FAM210A: variants seen among roughly 807,000 people sequenced by gnomAD.
FAM210A encodes the protein mitochondrial inner membrane scaffold 1, also known as family with sequence similarity 210 member A.
FAM210A carries 13 observed loss-of-function variants against 25.3 expected under a neutral mutation model. The observed-to-expected ratio is 0.51, with a 90% CI of 0.33 to 0.82. The LOEUF is 0.82. Among genes scored for constraint, FAM210A ranks in the 40% least tolerant of loss-of-function variants. FAM210A has a pLI of 0.02. For missense variants in FAM210A, 319 were observed against 323.2 expected (o/e 0.99, Z 0.10); for synonymous variants, 125 against 118.7 (o/e 1.05, Z -0.35).
intron 1 of FAM210A, among the ~76,000 whole-genome samples, chr18:13,684,831 T>TA (rs2043583308): frequency 6.6e-6 from 1 of 151,980 alleles, no homozygotes. Flanking sequence ...TAACAAATTC[T>TA]AAAAAATGAA....
intron 1 of FAM210A, among the ~76,000 whole-genome samples, chr18:13,699,160 T>C (rs2043718964): frequency 6.6e-6 from 1 of 152,234 alleles, no homozygotes; most frequent in African/African-American, 2.4e-5. Flanking sequence ...TTCAGTTTGC[T>C]GCTTAGAGAA....
intron 1 of FAM210A, among the ~76,000 whole-genome samples, chr18:13,705,807 C>G (rs1021814743): frequency 3.3e-5 from 5 of 152,186 alleles, no homozygotes; most frequent in African/African-American, 1.2e-4. Flanking sequence ...TTTAGTTTGT[C>G]AAACCCACGT....
intron 1 of FAM210A, among the ~76,000 whole-genome samples, chr18:13,699,037 T>C (rs191951040): frequency 3.3e-5 from 5 of 152,296 alleles, no homozygotes; most frequent in African/African-American, 1.2e-4. Context: ...CTCAAACTCC[T>C]GACCTCACGC....
At chr18:13,683,563 CTT>C (rs11301016) in intron 1 of FAM210A, among the ~76,000 whole-genome samples, 678 of 137,094 alleles carry the variant, frequency 4.9e-3, no homozygotes, top group Non-Finnish European at 5.7e-3. Context: ...GACTGCAAGC[CTT>C]TTTTTTTTTT....
chr18:13,705,222 C>A (rs1010996960), intron 1 of FAM210A, among the ~76,000 whole-genome samples: 2 of 152,154 alleles, frequency 1.3e-5, no homozygotes, highest in African/African-American at 4.8e-5. Context: ...TAGTCTAAGT[C>A]AAATTGCCTA....
At chr18:13,698,720 C>G (rs2043715642) in intron 1 of FAM210A, among the ~76,000 whole-genome samples, 2 of 152,202 alleles carry the variant, frequency 1.3e-5, no homozygotes, top group African/African-American at 2.4e-5. Context: ...CCTATCATAT[C>G]TTGCTGGGCA....
chr18:13,681,031 C>T (rs893889726), intron 2 of FAM210A, among the ~76,000 whole-genome samples: 5 of 152,220 alleles, frequency 3.3e-5, no homozygotes, highest in African/African-American at 1.2e-4. Flanking sequence ...ATTAGCCGGA[C>T]TTTGGCAAAA....
chr18:13,670,420 G>A (rs2043432296), intron 3 of FAM210A, among the ~76,000 whole-genome samples: 1 of 152,038 alleles, frequency 6.6e-6, no homozygotes, highest in Non-Finnish European at 1.5e-5. Context: ...AATAAAAGAG[G>A]AAATCTACCA....
At chr18:13,673,953 C>A (rs12607111) in intron 2 of FAM210A, among the ~76,000 whole-genome samples, 1 of 4,918 alleles carries the variant, frequency 2.0e-4, no homozygotes, top group Non-Finnish European at 5.4e-4. Flanking sequence ...TCCTGAGCCC[C>A]GACTTCTTTA....
intron 1 of FAM210A, among the ~76,000 whole-genome samples, chr18:13,720,118 C>A (rs1346338258): frequency 6.6e-6 from 1 of 152,092 alleles, no homozygotes; most frequent in African/African-American, 2.4e-5. Context: ...AGTAGCAAGC[C>A]CAAAAGCTGT....
At chr18:13,693,167 C>G (rs1376810321) in intron 1 of FAM210A, among the ~76,000 whole-genome samples, 5 of 152,094 alleles carry the variant, frequency 3.3e-5, no homozygotes, top group Non-Finnish European at 5.9e-5. Context: ...ATAAATTCCT[C>G]GACACATACA....
chr18:13,678,877 A>G (rs1265604126), intron 2 of FAM210A, among the ~76,000 whole-genome samples: 2 of 152,228 alleles, frequency 1.3e-5, no homozygotes, highest in African/African-American at 4.8e-5. Context: ...TGGATCTGTA[A>G]CTTTAGGAAC....
In FAM210A at chr18:13,723,653, T is replaced by C. The variant is rs976538134; in HGVS notation, c.-29+2676A>G. 4.6e-5 allele frequency among the ~76,000 whole-genome samples: 7 copies of C among 152,224 alleles called. No individual in the cohort carries two copies. In the East Asian group the frequency reaches 5.8e-4, roughly 13 times the overall value. Reference sequence around the variant, plus strand: ...TCCTTTAGTTTAGGTCAACTGATTATAGATGTTAACCACGTCTTCAGAATA... The same window carrying C: ...TCCTTTAGTTTAGGTCAACTGATTACAGATGTTAACCACGTCTTCAGAATA... On this transcript the variant is annotated intron_variant, in intron 1 of 3. Coordinates refer to ENST00000651643, the MANE Select transcript of FAM210A (RefSeq NM_152352.4).
chr18:13,725,775 AGT>A (rs1034542769), intron 1 of FAM210A, among the ~76,000 whole-genome samples: 2 of 152,188 alleles, frequency 1.3e-5, no homozygotes, highest in African/African-American at 2.4e-5. Context: ...GGCCAAAAAA[AGT>A]GTGTTGTCTC....
In FAM210A at chr18:13,681,643, A is replaced by T; in HGVS notation, c.435T>A (p.Ser145=). 6.2e-7 allele frequency: 1 copy of T among 1,611,760 alleles called. No individual in the cohort carries two copies. The highest frequency in any genetic ancestry group is 8.5e-7 in the Non-Finnish European group (1 of 1,179,188). The change falls in exon 2 of 4, where the codon TCT becomes TCA. Residue 145 remains serine (S), a synonymous_variant. Transcript: ENST00000651643. The part of the protein sequence containing the change: ...KVLIPVHLIT[S]GVWFGTFYYA... ...AATAAAATGTTCCAAACCAAACACC[A>T]GAAGTTATTAGATGCACTGGAATCA...
At chr18:13,710,761 A>G (rs1030845856) in intron 1 of FAM210A, among the ~76,000 whole-genome samples, 2 of 152,180 alleles carry the variant, frequency 1.3e-5, no homozygotes, top group African/African-American at 4.8e-5. Context: ...CAAAGCAATC[A>G]GCAGCACCCA....
At chr18:13,718,319 T>C (rs968265297) in intron 1 of FAM210A, among the ~76,000 whole-genome samples, 3 of 152,124 alleles carry the variant, frequency 2.0e-5, no homozygotes, top group African/African-American at 7.2e-5. Flanking sequence ...ACTACAAAAA[T>C]GGAAGGCCAC....
chr18:13,726,041 G>A (rs1175134832), intron 1 of FAM210A, among the ~76,000 whole-genome samples: 1 of 152,238 alleles, frequency 6.6e-6, no homozygotes, highest in Non-Finnish European at 1.5e-5. Flanking sequence ...GGAGAACACG[G>A]TGAAGGGTTA....
rs779729816 is a variant in FAM210A at position 13,681,876 on chromosome 18, T to C, written c.202A>G (p.Arg68Gly). The C allele has an allele frequency of 3.1e-6, 5 of 1,614,226 alleles. No individual in the cohort carries two copies. Among genetic ancestry groups the C allele is most frequent in the African/African-American group, 1.3e-5 (1 of 75,062 alleles). The change falls in exon 2 of 4, where the codon AGG becomes GGG. Residue 68 changes from arginine to glycine, a missense_variant. By Grantham distance (125) the Arg-to-Gly change is moderately radical (BLOSUM62 -2). Transcript: ENST00000651643. ...LSAAQCVAKE[R>G]RPLDAHPPQP... ...GGTGGATGAGCATCCAATGGCCTCC[T>C]TTCCTTTGCAACACACTGGGCAGCA...
Sources: allele counts gnomAD v4.1 joint callset (sites outside exome capture counted in the v4.1 genomes callset), GRCh38; gene constraint gnomAD v4.1.1; transcripts MANE v1.5; gene names NCBI Gene and HGNC (gene_info 2026-07-23, HGNC 2026-07-21).